The following FBXL17 variants were observed in gnomAD, a reference collection of about 807,000 sequenced individuals.
The protein encoded by FBXL17 is F-box/LRR-repeat protein 17.
Under a neutral mutation model 66.2 loss-of-function variants are expected in FBXL17, and 22 were observed. The observed-to-expected ratio is 0.33, with a 90% CI of 0.24 to 0.47. The LOEUF (loss-of-function observed/expected upper bound fraction) is 0.47. Among genes scored for constraint, FBXL17 ranks in the 20% least tolerant of loss-of-function variants. The probability of loss-of-function intolerance (pLI) is 1.00; values close to 1 mark genes in which losing one functional copy is unlikely to be tolerated. For missense variants in FBXL17, 878 were observed against 948.2 expected, an observed-to-expected ratio of 0.93 and a Z score of 0.97; for synonymous variants, 474 against 400.5, an observed-to-expected ratio of 1.18 and a Z score of -2.19.
chr5:108,154,634 CACACACACACACACAT>C (rs1268637644), intron 6 of FBXL17, among the ~76,000 whole-genome samples: 2 of 99,236 alleles, frequency 2.0e-5, no homozygotes, highest in African/African-American at 7.9e-5. Context: ...CACACACACA[CACACACACACACACAT>C]ATATGTATAT....
intron 4 of FBXL17, among the ~76,000 whole-genome samples, chr5:108,244,862 C>T (rs1756022265): frequency 6.6e-6 from 1 of 151,998 alleles, no homozygotes; most frequent in South Asian, 2.1e-4. Flanking sequence ...CTGTATTTTG[C>T]AATATATTTA....
chr5:108,134,658 A>G (rs1320098178), intron 6 of FBXL17, among the ~76,000 whole-genome samples: 1 of 152,190 alleles, frequency 6.6e-6, no homozygotes, highest in East Asian at 1.9e-4. Context: ...TGACAAGAGT[A>G]AATATTGGAA....
intron 5 of FBXL17, among the ~76,000 whole-genome samples, chr5:108,190,610 T>C (rs1753433043): frequency 6.6e-6 from 1 of 152,218 alleles, no homozygotes; most frequent in Admixed American, 6.5e-5. Flanking sequence ...TAAAGTTTTA[T>C]TTTTCACAAG....
At chr5:108,299,051 T>C (rs752043912) in intron 4 of FBXL17, 24 of 976,566 alleles carry the variant, frequency 2.5e-5, no homozygotes, top group South Asian at 1.4e-4. Context: ...CATGAGTACA[T>C]ATCTGAACAA....
chr5:107,969,122 T>A (rs1391995646), intron 7 of FBXL17, among the ~76,000 whole-genome samples: 2 of 152,082 alleles, frequency 1.3e-5, no homozygotes, highest in Non-Finnish European at 2.9e-5. Context: ...AATGACACAG[T>A]GGAGTGGCAG....
intron 6 of FBXL17, among the ~76,000 whole-genome samples, chr5:108,075,928 G>A (rs994601606): frequency 3.3e-5 from 5 of 152,210 alleles, no homozygotes; most frequent in Non-Finnish European, 4.4e-5. Flanking sequence ...ATGCCAAATC[G>A]ACTTACAAAA....
At chr5:108,012,159 T>C (rs953767937) in intron 7 of FBXL17, among the ~76,000 whole-genome samples, 2 of 152,218 alleles carry the variant, frequency 1.3e-5, no homozygotes, top group South Asian at 2.1e-4. Flanking sequence ...CTCAGCTTCC[T>C]CATCTATTGA....
At chr5:107,887,110 T>A (rs1187795338) in intron 7 of FBXL17, among the ~76,000 whole-genome samples, 1 of 152,202 alleles carries the variant, frequency 6.6e-6, no homozygotes, top group East Asian at 1.9e-4. Context: ...GATAAGCGTA[T>A]TGTGGTTGTA....
intron 5 of FBXL17, among the ~76,000 whole-genome samples, chr5:108,194,250 C>T (rs533133150): frequency 6.6e-6 from 1 of 152,116 alleles, no homozygotes; most frequent in Admixed American, 6.6e-5. Context: ...TTTAAAACTG[C>T]TCTCACTTCA....
intron 4 of FBXL17, among the ~76,000 whole-genome samples, chr5:108,330,112 A>G (rs1030228826): frequency 7.9e-5 from 12 of 152,224 alleles, no homozygotes; most frequent in East Asian, 3.8e-4. Context: ...ACCATGAAGT[A>G]GCCAAAGACT....
intron 7 of FBXL17, among the ~76,000 whole-genome samples, chr5:107,901,952 T>C (rs1393855861): frequency 6.6e-6 from 1 of 152,200 alleles, no homozygotes; most frequent in African/African-American, 2.4e-5. Context: ...AGCTGCAGTG[T>C]TGCTAGATCT....
intron 6 of FBXL17, among the ~76,000 whole-genome samples, chr5:108,040,890 A>G (rs1241532106): frequency 6.6e-6 from 1 of 152,180 alleles, no homozygotes; most frequent in Admixed American, 6.5e-5. Flanking sequence ...AGATCAGGCA[A>G]TAAAACAGCT....
intron 6 of FBXL17, among the ~76,000 whole-genome samples, chr5:108,150,407 G>A (rs1404450623): frequency 6.6e-6 from 1 of 151,982 alleles, no homozygotes; most frequent in Non-Finnish European, 1.5e-5. Flanking sequence ...TCTCCCTACG[G>A]TGCCCAGGCT....
intron 7 of FBXL17, among the ~76,000 whole-genome samples, chr5:108,003,272 C>G (rs1030168739): frequency 3.3e-5 from 5 of 152,024 alleles, no homozygotes; most frequent in Admixed American, 2.0e-4. Context: ...TCTTAGAAAC[C>G]CCTGCCCAAG....
intron 7 of FBXL17, among the ~76,000 whole-genome samples, chr5:107,892,252 T>C (rs1224797715): frequency 6.6e-6 from 1 of 152,264 alleles, no homozygotes; most frequent in South Asian, 2.1e-4. Flanking sequence ...TGTCTATGTG[T>C]ACATATTAGT....
intron 6 of FBXL17, among the ~76,000 whole-genome samples, chr5:108,167,028 A>C (rs1341715256): frequency 1.3e-5 from 2 of 152,304 alleles, no homozygotes; most frequent in East Asian, 3.9e-4. Flanking sequence ...AAGAGATCTT[A>C]TTTTATGGCA....
intron 6 of FBXL17, among the ~76,000 whole-genome samples, chr5:108,057,018 A>G (rs1380864449): frequency 6.6e-6 from 1 of 152,236 alleles, no homozygotes; most frequent in East Asian, 1.9e-4. Context: ...AAAAGAATAG[A>G]GATTTAACAA....
intron 6 of FBXL17, among the ~76,000 whole-genome samples, chr5:108,083,250 C>CAG (rs75900350): frequency 0.011 from 1,661 of 145,634 alleles, 36 homozygotes; most frequent in African/African-American, 0.04. Context: ...CACACACACA[C>CAG]AGAGAGAGAG....
At chr5:107,941,473 C>T (rs1580732097) in intron 7 of FBXL17, among the ~76,000 whole-genome samples, 1 of 152,142 alleles carries the variant, frequency 6.6e-6, no homozygotes, top group Non-Finnish European at 1.5e-5. Flanking sequence ...GGTAGAATGA[C>T]GGATGCTCCA....
Sources: allele counts gnomAD v4.1 joint callset (sites outside exome capture counted in the v4.1 genomes callset), GRCh38; gene constraint gnomAD v4.1.1; transcripts MANE v1.5; gene names NCBI Gene and HGNC (gene_info 2026-07-23, HGNC 2026-07-21).